The following LMBRD1 variants were observed in gnomAD, a reference collection of about 807,000 sequenced individuals.
LMBRD1 encodes the protein lysosomal cobalamin transport escort protein LMBD1.
In LMBRD1, 64 loss-of-function variants were observed where a neutral mutation model predicts 74.8. The ratio of observed to expected loss-of-function variants is 0.86; its 90% CI spans 0.70 to 1.05. The LOEUF (loss-of-function observed/expected upper bound fraction) is 1.05. Among genes scored for constraint, LMBRD1 ranks in the 50% least tolerant of loss-of-function variants. LMBRD1 has a pLI of 0.00. For missense variants in LMBRD1, 652 were observed against 645.9 expected (o/e 1.01, Z -0.10); for synonymous variants, 204 against 216.3 (o/e 0.94, Z 0.50).
At position 69,697,553 on chromosome 6, in the gene LMBRD1, C is replaced by T. The variant is rs988060798; in HGVS notation, c.1417+10G>A. ...AAAAAGTTGTAAGTTCTAAAACAAG[C>T]TGTTTTTACCTTCAGGAGCATCTGC... On this transcript the variant is annotated intron_variant, in intron 14 of 15. Coordinates refer to ENST00000649934, the MANE Select transcript of LMBRD1 (RefSeq NM_018368.4). 2.6e-6 allele frequency: 4 copies of T among 1,567,040 alleles called. No homozygotes were observed. The African/African-American group carries it at 4.0e-5, about 16-fold the overall frequency.
At chr6:69,746,065 A>C in intron 5 of LMBRD1, 1 of 210,316 alleles carries the variant, frequency 4.8e-6, no homozygotes, top group Admixed American at 4.3e-5. Flanking sequence ...GAGAACTGGA[A>C]ACCTGTCATC....
Position 69,675,134 on chromosome 6 carries a change from T to C in LMBRD1, c.*1024A>G, listed in dbSNP as rs1175123204. ...AGAACAGAGAAAAATGGCACAAAAA[T>C]TAAGGGAGAGAATAATTAACTTAGA... On this transcript the variant is annotated 3_prime_UTR_variant, in exon 16 of 16. Coordinates refer to ENST00000649934, the MANE Select transcript of LMBRD1 (RefSeq NM_018368.4). Among the ~76,000 whole-genome samples the C allele has an allele frequency of 6.6e-6, 1 of 152,050 alleles. No individual in the cohort carries two copies. Among genetic ancestry groups the C allele is most frequent in the Non-Finnish European group, 1.5e-5 (1 of 68,000 alleles).
intron 2 of LMBRD1, among the ~76,000 whole-genome samples, chr6:69,782,997 A>G (rs553373074): frequency 6.6e-6 from 1 of 152,374 alleles, no homozygotes; most frequent in African/African-American, 2.4e-5. Context: ...TGCATAACAT[A>G]GAATAACATG....
chr6:69,725,275 T>G (rs879726323), intron 7 of LMBRD1, among the ~76,000 whole-genome samples: 1 of 151,704 alleles, frequency 6.6e-6, no homozygotes. Flanking sequence ...TGTTAAAATG[T>G]CCATACTACT....
At chr6:69,710,628 T>C (rs1181633909) in intron 9 of LMBRD1, among the ~76,000 whole-genome samples, 3 of 152,142 alleles carry the variant, frequency 2.0e-5, no homozygotes, top group African/African-American at 4.8e-5. Context: ...AACGCTTGTA[T>C]CTCACTCATA....
At chr6:69,714,807 T>C (rs895224062) in intron 8 of LMBRD1, among the ~76,000 whole-genome samples, 4 of 152,160 alleles carry the variant, frequency 2.6e-5, no homozygotes, top group Non-Finnish European at 5.9e-5. Flanking sequence ...TCGGCATCAC[T>C]ATGATCTTCT....
chr6:69,750,710 C>T (rs1295916954), intron 4 of LMBRD1, among the ~76,000 whole-genome samples: 1 of 152,052 alleles, frequency 6.6e-6, no homozygotes, highest in Non-Finnish European at 1.5e-5. Flanking sequence ...GCATACATCT[C>T]GTGGAGATCT....
chr6:69,766,117 A>G (rs1765470438), intron 3 of LMBRD1, among the ~76,000 whole-genome samples: 1 of 151,484 alleles, frequency 6.6e-6, no homozygotes. Flanking sequence ...AAATAATAAA[A>G]ATTAATATTT....
intron 9 of LMBRD1, chr6:69,705,734 A>G: frequency 8.5e-7 from 1 of 1,174,466 alleles, no homozygotes; most frequent in Admixed American, 1.7e-5. Flanking sequence ...CTCCAGGGAC[A>G]GACCACTTTC....
chr6:69,721,221 G>A (rs1766607753), intron 7 of LMBRD1, among the ~76,000 whole-genome samples: 1 of 152,196 alleles, frequency 6.6e-6, no homozygotes, highest in South Asian at 2.1e-4. Flanking sequence ...TGGGCTTACA[G>A]TGGACTAGGG....
At chr6:69,732,349 C>T (rs770108603) in intron 7 of LMBRD1, among the ~76,000 whole-genome samples, 2 of 152,154 alleles carry the variant, frequency 1.3e-5, no homozygotes, top group South Asian at 4.1e-4. Flanking sequence ...CTCTCTCTCC[C>T]TGCTCTTTAT....
At chr6:69,727,714 C>T (rs538448932) in intron 7 of LMBRD1, among the ~76,000 whole-genome samples, 3 of 151,008 alleles carry the variant, frequency 2.0e-5, no homozygotes, top group South Asian at 2.1e-4. Context: ...AAAAGCATCT[C>T]GTTTATATTT....
chr6:69,680,979 C>G (rs1358312065), intron 14 of LMBRD1, among the ~76,000 whole-genome samples: 1 of 151,936 alleles, frequency 6.6e-6, no homozygotes, highest in Non-Finnish European at 1.5e-5. Context: ...TTGGTTTTAC[C>G]TTCAAAGTAA....
intron 3 of LMBRD1, among the ~76,000 whole-genome samples, chr6:69,759,480 A>C (rs8180599): frequency 0.34 from 51,173 of 151,774 alleles, 9,679 homozygotes; most frequent in East Asian, 0.54. Flanking sequence ...CCAAAAAAAA[A>C]CCACCAAGAT....
chr6:69,713,790 TC>T lies in LMBRD1; in HGVS notation c.769del (p.Asp257MetfsTer13). The T allele has an allele frequency of 6.2e-7, 1 of 1,613,542 alleles. No homozygotes were observed. Among genetic ancestry groups the T allele is most frequent in the Non-Finnish European group, 8.5e-7 (1 of 1,179,608 alleles). On this transcript the variant is annotated frameshift_variant, in exon 9 of 16. Coordinates refer to ENST00000649934, the MANE Select transcript of LMBRD1 (RefSeq NM_018368.4). LOFTEE classifies it high-confidence loss of function. ...HIQTIKSKSK[D>X]GRPLPARDKR... ...ATCCCTTGCTGGCAAAGGTCGACCATCTTTGCTCTGCAAATAACAGAACAAA... is the reference window on the plus strand; with the variant it reads ...ATCCCTTGCTGGCAAAGGTCGACCATTTTGCTCTGCAAATAACAGAACAAA...
At chr6:69,763,824 G>A (rs115998801) in intron 3 of LMBRD1, among the ~76,000 whole-genome samples, 3 of 152,112 alleles carry the variant, frequency 2.0e-5, no homozygotes, top group Non-Finnish European at 2.9e-5. Context: ...TGCATTGCTA[G>A]GTTTTTTACT....
At chr6:69,751,575 G>A (rs1425065296) in intron 4 of LMBRD1, among the ~76,000 whole-genome samples, 2 of 152,112 alleles carry the variant, frequency 1.3e-5, no homozygotes, top group African/African-American at 4.8e-5. Context: ...TGATCCGCCC[G>A]CCTCGGCCTC....
chr6:69,792,855 G>A (rs1766116208), intron 1 of LMBRD1, among the ~76,000 whole-genome samples: 1 of 152,134 alleles, frequency 6.6e-6, no homozygotes, highest in Non-Finnish European at 1.5e-5. Flanking sequence ...GCCAATATCA[G>A]GCAGACAAGC....
At chr6:69,781,380 G>C (rs1765833273) in intron 2 of LMBRD1, among the ~76,000 whole-genome samples, 1 of 152,080 alleles carries the variant, frequency 6.6e-6, no homozygotes, top group African/African-American at 2.4e-5. Flanking sequence ...CTGCTATTAA[G>C]TATAAAGCAA....
Sources: gnomAD v4.1 joint callset for allele counts (sites outside exome capture counted in the v4.1 genomes callset) on GRCh38, gnomAD v4.1.1 for gene constraint, MANE v1.5 for transcripts, NCBI Gene and HGNC (gene_info 2026-07-23, HGNC 2026-07-21) for gene names.